Variants in CNOT9 observed in about 807,000 individuals in gnomAD.
CNOT9 encodes the protein CCR4-NOT transcription complex subunit 9.
Under a neutral mutation model 37.4 loss-of-function variants are expected in CNOT9, and 8 were observed. That is an observed-to-expected ratio of 0.21 (90% confidence interval 0.13 to 0.39). The LOEUF (loss-of-function observed/expected upper bound fraction) is 0.39. Ranked by LOEUF, CNOT9 falls within the 10% of genes least tolerant of loss-of-function variation. The pLI, the probability that CNOT9 is intolerant of heterozygous loss-of-function variation, is 1.00. For synonymous variants in CNOT9, 120 were observed against 137.6 expected (o/e 0.87, Z 0.90); for missense variants, 154 against 365.3 (o/e 0.42, Z 4.71).
rs1284053897 is a variant in CNOT9, at chr2:218,594,649, A to C, written c.*373A>C. ...TGGTGATAGCAGCAGCACTCTAGGCATGGTGAACGCCTGGGACCAAGCCAT... is the reference window on the plus strand; with the variant it reads ...TGGTGATAGCAGCAGCACTCTAGGCCTGGTGAACGCCTGGGACCAAGCCAT... On this transcript the variant is annotated 3_prime_UTR_variant, in exon 8 of 8. Coordinates refer to ENST00000273064, the MANE Select transcript of CNOT9 (RefSeq NM_005444.3). 1 of 204,942 alleles carries C rather than the reference A, an allele frequency of 4.9e-6. No homozygotes were observed. Among genetic ancestry groups the C allele is most frequent in the Non-Finnish European group, 9.8e-6 (1 of 102,430 alleles). 12.7% of individuals were successfully genotyped at this position (204,942 alleles called of 1,614,324 possible). A position where few individuals can be genotyped will look rare whatever the true frequency, so the allele number is the denominator to read the frequency against.
Position 218,595,434 on chromosome 2 carries a change from A to G in CNOT9, c.*1158A>G, listed in dbSNP as rs1399975126. On this transcript the variant is annotated 3_prime_UTR_variant, in exon 8 of 8. Transcript: ENST00000273064. ...TTTTTTTTTTTTTTTTTTTTTTTTG[A>G]CCATTCTCTTTTAGTCTATGGGAAT... 5.2e-5 allele frequency: 1 copy of G among 19,052 alleles called. No homozygotes were observed. Among genetic ancestry groups the G allele is most frequent in the Non-Finnish European group, 1.2e-4 (1 of 8,224 alleles). The allele number at this position is 19,052 out of a possible 1,614,324, so 1.2% of individuals were successfully genotyped here.
chr2:218,574,773 G>A (rs1308964191), intron 1 of CNOT9, among the ~76,000 whole-genome samples: 1 of 152,168 alleles, frequency 6.6e-6, no homozygotes, highest in Non-Finnish European at 1.5e-5. Flanking sequence ...AAACACCCAT[G>A]ATTGCCTCAG....
At chr2:218,580,520 C>G (rs919288677) in intron 1 of CNOT9, 41 bp from the exon 2 acceptor site, 11 of 1,524,398 alleles carry the variant, frequency 7.2e-6, no homozygotes, top group Non-Finnish European at 9.7e-6. Context: ...CTTGGTTTGA[C>G]TCTAATAAAC....
intron 1 of CNOT9, among the ~76,000 whole-genome samples, chr2:218,574,786 T>C (rs1250028305): frequency 2.0e-5 from 3 of 152,218 alleles, no homozygotes; most frequent in African/African-American, 4.8e-5. Flanking sequence ...TGCCTCAGGC[T>C]GAGTATGGGG....
Position 218,594,496 on chromosome 2 carries a change from C to A in CNOT9, c.*220C>A. On this transcript the variant is annotated 3_prime_UTR_variant, in exon 8 of 8. Transcript: ENST00000273064. ...CTCTGCTACTCCCAGGAAATGGGCT[C>A]CTGACACAGCAGTCTGCCACCACAG... The A allele has an allele frequency of 1.8e-6, 1 of 553,980 alleles. No individual in the cohort carries two copies. The highest frequency in any genetic ancestry group is 2.4e-5 in the South Asian group (1 of 42,306). The allele number at this position is 553,980 out of a possible 1,614,324, so 34.3% of individuals were successfully genotyped here.
intron 1 of CNOT9, among the ~76,000 whole-genome samples, chr2:218,578,280 T>C (rs1373021661): frequency 6.6e-6 from 1 of 152,220 alleles, no homozygotes; most frequent in Non-Finnish European, 1.5e-5. Context: ...GCAGAACAAC[T>C]TGTGGTTCTT....
intron 4 of CNOT9, among the ~76,000 whole-genome samples, chr2:218,586,272 G>A (rs1694594884): frequency 6.6e-6 from 1 of 152,058 alleles, no homozygotes; most frequent in African/African-American, 2.4e-5. Context: ...CTCATGTCAT[G>A]GTATTTGGAG....
At chr2:218,585,356 T>A (rs1378392506) in intron 4 of CNOT9, among the ~76,000 whole-genome samples, 1 of 152,136 alleles carries the variant, frequency 6.6e-6, no homozygotes, top group Non-Finnish European at 1.5e-5. Flanking sequence ...TATGAATCTG[T>A]CAGTTCACCC....
chr2:218,578,914 TAATG>T (rs1694269649), intron 1 of CNOT9, among the ~76,000 whole-genome samples: 1 of 152,200 alleles, frequency 6.6e-6, no homozygotes, highest in Non-Finnish European at 1.5e-5. Context: ...TTTAGCATAA[TAATG>T]AAAGCATGCC....
chr2:218,581,028 T>G, intron 2 of CNOT9: 1 of 538,272 alleles, frequency 1.9e-6, no homozygotes, highest in Non-Finnish European at 3.6e-6. Context: ...AGAACTACGC[T>G]TTGACGAACA....
intron 4 of CNOT9, 99 bp downstream of exon 4, chr2:218,584,820 T>G (rs1258519529): frequency 3.6e-6 from 3 of 835,868 alleles, no homozygotes; most frequent in Non-Finnish European, 6.2e-6. Flanking sequence ...ACACCAGTCA[T>G]TCATTTTTGT....
In CNOT9 at chr2:218,592,286, G is replaced by C; in HGVS notation, c.541-18G>C. The C allele has an allele frequency of 1.9e-6, 3 of 1,581,146 alleles. No individual in the cohort carries two copies. Among genetic ancestry groups the C allele is most frequent in the Non-Finnish European group, 2.6e-6 (3 of 1,152,268 alleles). ...ATCTGAGCAACTTTATAAACTCTTC[G>C]ATTTTGTTTTGCTTCAGGTTGCCAC... On this transcript the variant is annotated intron_variant, in intron 5 of 7. Coordinates refer to ENST00000273064, the MANE Select transcript of CNOT9 (RefSeq NM_005444.3). This position sits in a 1 kb window ranked among gnomAD's most constrained non-coding sequence, Gnocchi z 4.1.
chr2:218,580,452 C>A, intron 1 of CNOT9, 109 bp from the exon 2 acceptor site: 1 of 886,532 alleles, frequency 1.1e-6, no homozygotes, highest in Non-Finnish European at 1.7e-6. Flanking sequence ...TATTTAGAAA[C>A]GCTCCCCTGG....
Position 218,594,649 on chromosome 2 carries a change from A to G in CNOT9, c.*373A>G, listed in dbSNP as rs1284053897. ...TGGTGATAGCAGCAGCACTCTAGGC[A>G]TGGTGAACGCCTGGGACCAAGCCAT... On this transcript the variant is annotated 3_prime_UTR_variant, in exon 8 of 8. Coordinates refer to ENST00000273064, the MANE Select transcript of CNOT9 (RefSeq NM_005444.3). The G allele has an allele frequency of 9.8e-6, 2 of 204,942 alleles. No individual in the cohort carries two copies. Among genetic ancestry groups the G allele is most frequent in the Non-Finnish European group, 2.0e-5 (2 of 102,430 alleles). The allele number at this position is 204,942 out of a possible 1,614,324, so 12.7% of individuals were successfully genotyped here. A position where few individuals can be genotyped will look rare whatever the true frequency, so the allele number is the denominator to read the frequency against.
chr2:218,571,687 T>G (rs1254913373), intron 1 of CNOT9, among the ~76,000 whole-genome samples: 2 of 150,528 alleles, frequency 1.3e-5, no homozygotes, highest in Non-Finnish European at 3.0e-5. Context: ...TTCTCCTGCC[T>G]CAACCTCCCA....
Position 218,596,103 on chromosome 2 carries a change from C to T in CNOT9, c.*1827C>T, listed in dbSNP as rs1694919941. ...AACCCAGATTTTTGACAACCGCCTT[C>T]CTGCTGAGCCAAAGTTTTCTCATTA... On this transcript the variant is annotated 3_prime_UTR_variant, in exon 8 of 8. Coordinates refer to ENST00000273064, the MANE Select transcript of CNOT9 (RefSeq NM_005444.3). The T allele has an allele frequency of 6.6e-6, 1 of 152,218 alleles. No homozygotes were observed. The highest frequency in any genetic ancestry group is 2.1e-4 in the South Asian group (1 of 4,826). 9.4% of individuals were successfully genotyped at this position (152,218 alleles called of 1,614,324 possible).
intron 1 of CNOT9, among the ~76,000 whole-genome samples, chr2:218,572,885 C>T (rs1393447310): frequency 6.6e-6 from 1 of 152,184 alleles, no homozygotes; most frequent in African/African-American, 2.4e-5. Flanking sequence ...CAGATGCCTT[C>T]CTTTTTGGCA....
chr2:218,573,178 C>CGT (rs1264227418), intron 1 of CNOT9, among the ~76,000 whole-genome samples: 1 of 152,128 alleles, frequency 6.6e-6, no homozygotes, highest in East Asian at 1.9e-4. Flanking sequence ...ATTAGCCTGG[C>CGT]GTCATGGCAT....
At chr2:218,572,603 C>A in intron 1 of CNOT9, 1 of 845,588 alleles carries the variant, frequency 1.2e-6, no homozygotes, top group Non-Finnish European at 1.4e-6. Flanking sequence ...CGCACTTCAG[C>A]TTAGGCGACA....
Sources: gnomAD v4.1 joint callset for allele counts (sites outside exome capture counted in the v4.1 genomes callset) on GRCh38, gnomAD v4.1.1 for gene constraint, Gnocchi (gnomAD v3.1) non-coding constraint, MANE v1.5 for transcripts, NCBI Gene and HGNC (gene_info 2026-07-23, HGNC 2026-07-21) for gene names.